Variants in VPS13C observed in about 807,000 individuals in gnomAD.
VPS13C encodes the protein intermembrane lipid transfer protein VPS13C.
VPS13C carries 358 observed loss-of-function variants against 456.8 expected under a neutral mutation model. The ratio of observed to expected loss-of-function variants is 0.78; its 90% confidence interval spans 0.72 to 0.86. The LOEUF (loss-of-function observed/expected upper bound fraction) is 0.86. Among genes scored for constraint, VPS13C ranks in the 40% least tolerant of loss-of-function variants. The probability of loss-of-function intolerance (pLI) is 0.00; values close to 1 mark genes in which losing one functional copy is unlikely to be tolerated. For missense variants in VPS13C, 4,818 were observed against 4,385.4 expected, an observed-to-expected ratio of 1.10 and a Z score of -2.79; for synonymous variants, 1,578 against 1,486.7, an observed-to-expected ratio of 1.06 and a Z score of -1.41.
intron 66 of VPS13C, among the ~76,000 whole-genome samples, chr15:61,893,598 T>C (rs2042716950): frequency 6.6e-6 from 1 of 150,456 alleles, no homozygotes; most frequent in African/African-American, 2.5e-5. Context: ...TCTAACACCA[T>C]AATTGTGGTG....
intron 77 of VPS13C, among the ~76,000 whole-genome samples, chr15:61,873,973 C>T (rs568311068): frequency 6.6e-6 from 1 of 151,712 alleles, no homozygotes; most frequent in South Asian, 2.1e-4. Context: ...CACACACACA[C>T]ACACAAACAG....
At position 62,013,122 on chromosome 15, in the gene VPS13C, A is replaced by G. The variant is rs774371747; in HGVS notation, c.745-3T>C. The G allele has an allele frequency of 5.6e-6, 9 of 1,595,308 alleles. No homozygotes were observed. The East Asian group carries it at 6.8e-5, about 12-fold the overall frequency. ...CTAAGACTATCAAGTCGTATAAGCT[A>G]TAAGAGAAAAATGAAAGAGATCAGG... On this transcript the variant is annotated splice_polypyrimidine_tract_variant and splice_region_variant and intron_variant, in intron 10 of 84. Transcript: ENST00000644861.
chr15:61,970,970 C>A (rs1485373054), intron 27 of VPS13C, among the ~76,000 whole-genome samples: 2 of 151,186 alleles, frequency 1.3e-5, no homozygotes, highest in African/African-American at 4.9e-5. Flanking sequence ...AAACATAAGA[C>A]AAGTGTAAGC....
intron 66 of VPS13C, among the ~76,000 whole-genome samples, chr15:61,905,243 T>C (rs577001910): frequency 2.6e-5 from 4 of 152,186 alleles, no homozygotes; most frequent in Non-Finnish European, 5.9e-5. Context: ...CCCCAAAATG[T>C]ACAACTATTA....
intron 15 of VPS13C, among the ~76,000 whole-genome samples, chr15:62,006,071 T>C (rs964552552): frequency 6.7e-6 from 1 of 148,662 alleles, no homozygotes; most frequent in Admixed American, 7.0e-5. Context: ...GCTGTTTTTT[T>C]GTTTTTGTTT....
At chr15:61,903,045 G>T (rs2043048642) in intron 66 of VPS13C, among the ~76,000 whole-genome samples, 1 of 151,986 alleles carries the variant, frequency 6.6e-6, no homozygotes, top group Non-Finnish European at 1.5e-5. Flanking sequence ...AAATCAAATG[G>T]CTGGGCACAG....
At chr15:62,028,658 A>C (rs539633283) in intron 5 of VPS13C, among the ~76,000 whole-genome samples, 16 of 152,206 alleles carry the variant, frequency 1.1e-4, no homozygotes, top group Non-Finnish European at 2.2e-4. Flanking sequence ...TCATTTCAAA[A>C]TATGTGAGGC....
At chr15:61,909,271 C>A in intron 64 of VPS13C, 146 bp from the exon 65 acceptor site, 1 of 959,946 alleles carries the variant, frequency 1.0e-6, no homozygotes, top group South Asian at 1.7e-5. Context: ...ACAGTGGCGC[C>A]ATCTCGGGTT....
intron 30 of VPS13C, 48 bp from the exon 31 acceptor site, chr15:61,964,909 C>T (rs761651479): frequency 1.9e-6 from 3 of 1,552,258 alleles, no homozygotes; most frequent in South Asian, 2.5e-5. Flanking sequence ...CCAATTATAA[C>T]CTGTAGTCTC....
intron 45 of VPS13C, 123 bp from the exon 46 acceptor site, chr15:61,942,190 T>C (rs1157353359): frequency 2.2e-6 from 2 of 914,756 alleles, no homozygotes; most frequent in African/African-American, 1.7e-5. Context: ...TTTATGATTT[T>C]GTGTATGTAG....
chr15:61,984,767 C>G (rs2045988009), intron 19 of VPS13C, 90 bp downstream of exon 19: 22 of 1,264,152 alleles, frequency 1.7e-5, no homozygotes, highest in Non-Finnish European at 2.2e-5. Flanking sequence ...AAAGAGCTGG[C>G]ACTAATCATT....
intron 21 of VPS13C, 82 bp downstream of exon 21, chr15:61,982,377 T>C: frequency 2.0e-6 from 2 of 995,052 alleles, no homozygotes; most frequent in East Asian, 4.9e-5. Flanking sequence ...AGCAACATAA[T>C]ATTTTGAATA....
intron 51 of VPS13C, 68 bp downstream of exon 51, chr15:61,929,432 CT>C: frequency 6.6e-7 from 1 of 1,523,528 alleles, no homozygotes; most frequent in Admixed American, 2.1e-5. Context: ...TTTCATTTCT[CT>C]TTTTTCTGGT....
intron 5 of VPS13C, among the ~76,000 whole-genome samples, chr15:62,032,000 TA>T (rs981155265): frequency 3.3e-5 from 5 of 151,874 alleles, no homozygotes; most frequent in Non-Finnish European, 7.4e-5. Context: ...CTCCATTTTT[TA>T]AAAAGGAGGA....
chr15:62,044,170 C>T (rs753562550), intron 2 of VPS13C, 42 bp downstream of exon 2: 1 of 1,379,076 alleles, frequency 7.3e-7, no homozygotes, highest in Admixed American at 2.1e-5. Flanking sequence ...TAAGAACTTA[C>T]CAAATTAAGT....
At chr15:61,968,141 AT>A (rs2045436767) in intron 28 of VPS13C, among the ~76,000 whole-genome samples, 1 of 152,008 alleles carries the variant, frequency 6.6e-6, no homozygotes, top group African/African-American at 2.4e-5. Context: ...CACATAAAAT[AT>A]TTTTCTTCTA....
At chr15:61,872,943 C>G (rs1366386982) in intron 78 of VPS13C, among the ~76,000 whole-genome samples, 1 of 152,058 alleles carries the variant, frequency 6.6e-6, no homozygotes, top group African/African-American at 2.4e-5. Flanking sequence ...TGATGACCTG[C>G]AGAGCTCCTT....
At position 61,882,704 on chromosome 15, in the gene VPS13C, G is replaced by T; in HGVS notation, c.9516C>A (p.Arg3172=). Residue 3172 remains arginine, a synonymous_variant, in exon 69 of 85, where the codon CGC becomes CGA. Coordinates refer to ENST00000644861, the MANE Select transcript of VPS13C (RefSeq NM_020821.3). ...VNFDKDPMEM[R]LPIRSPIKRD... is the part of the protein sequence containing the mutation. ...GTTTAATAGGGCTACGAATAGGGAG[G>T]CGCATTTCCATTGGATCTTTATCAA... is the stretch of plus-strand genomic sequence containing the variant. 1 of 1,587,572 alleles carries T rather than the reference G, an allele frequency of 6.3e-7. No homozygotes were observed. Among genetic ancestry groups the T allele is most frequent in the Non-Finnish European group, 8.6e-7 (1 of 1,169,040 alleles).
chr15:61,940,606 C>T (rs1567027664), intron 47 of VPS13C, 41 bp downstream of exon 47: 1 of 1,576,982 alleles, frequency 6.3e-7, no homozygotes, highest in Admixed American at 1.8e-5. Context: ...ACGAGAAAAG[C>T]CTATCAAGAA....
Sources: allele counts gnomAD v4.1 joint callset (sites outside exome capture counted in the v4.1 genomes callset), GRCh38; gene constraint gnomAD v4.1.1; transcripts MANE v1.5; gene names NCBI Gene and HGNC (gene_info 2026-07-23, HGNC 2026-07-21).